MAGI2: variants seen among roughly 807,000 people sequenced by gnomAD.
MAGI2 encodes membrane associated guanylate kinase, WW and PDZ domain containing 2.
A neutral mutation model predicts 133.3 loss-of-function variants in MAGI2; 35 were observed. The ratio of observed to expected loss-of-function variants is 0.26; its 90% CI spans 0.20 to 0.35. MAGI2 has a LOEUF of 0.35. MAGI2 is among the 10% of genes least tolerant of loss of function. The pLI is 1.00. For missense variants in MAGI2, 1,636 were observed against 1,863.4 expected (o/e 0.88, Z 2.25); for synonymous variants, 729 against 710.6 (o/e 1.03, Z -0.41).
chr7:79,272,173 A>G (rs1373216271), intron 1 of MAGI2, among the ~76,000 whole-genome samples: 1 of 152,130 alleles, frequency 6.6e-6, no homozygotes, highest in Non-Finnish European at 1.5e-5. Flanking sequence ...AAGAAATAAC[A>G]CTGGTACATT....
At chr7:78,791,344 G>A (rs1276586808) in intron 2 of MAGI2, among the ~76,000 whole-genome samples, 5 of 152,018 alleles carry the variant, frequency 3.3e-5, no homozygotes, top group African/African-American at 4.8e-5. Flanking sequence ...CCCTTATATT[G>A]GAGAAATAGT....
chr7:78,385,491 T>G (rs527345275), intron 6 of MAGI2, among the ~76,000 whole-genome samples: 5 of 152,180 alleles, frequency 3.3e-5, no homozygotes, highest in African/African-American at 4.8e-5. Context: ...ACTGTAACAA[T>G]GAAATTTCTG....
At chr7:79,319,915 A>G (rs1839038914) in intron 1 of MAGI2, among the ~76,000 whole-genome samples, 1 of 152,254 alleles carries the variant, frequency 6.6e-6, no homozygotes, top group Middle Eastern at 3.4e-3. Flanking sequence ...TTTAGTCTCA[A>G]GTGTTATTTG....
chr7:78,360,268 C>G (rs1030502520), intron 7 of MAGI2, among the ~76,000 whole-genome samples: 50 of 152,198 alleles, frequency 3.3e-4, no homozygotes, highest in African/African-American at 1.2e-3. Context: ...GATGCAAATG[C>G]CAGCCAACTA....
At chr7:78,395,063 G>C (rs1269019053) in intron 6 of MAGI2, among the ~76,000 whole-genome samples, 1 of 152,178 alleles carries the variant, frequency 6.6e-6, no homozygotes, top group Non-Finnish European at 1.5e-5. Context: ...TTCTTATAAA[G>C]GAGAATAATT....
intron 2 of MAGI2, among the ~76,000 whole-genome samples, chr7:78,793,051 AT>A (rs1211375269): frequency 6.6e-6 from 1 of 152,244 alleles, no homozygotes; most frequent in Non-Finnish European, 1.5e-5. Flanking sequence ...GGCTAAATGT[AT>A]AAGCGTGGAA....
chr7:78,662,660 T>C lies in MAGI2; in HGVS notation c.419-35421A>G, dbSNP rs557377608. Among the ~76,000 whole-genome samples the C allele has an allele frequency of 5.3e-5, 8 of 152,294 alleles. No individual in the cohort carries two copies. In the East Asian group the frequency reaches 1.5e-3, roughly 29 times the overall value. On this transcript the variant is annotated intron_variant, in intron 2 of 21. Coordinates refer to ENST00000354212, the MANE Select transcript of MAGI2 (RefSeq NM_012301.4). ...CATCATTGCACTTCTGTAAAATATA[T>C]AGGCAAAGACAAAAAAGAAATGGGG...
intron 2 of MAGI2, among the ~76,000 whole-genome samples, chr7:78,906,415 G>A (rs139992437): frequency 6.3e-4 from 96 of 152,274 alleles, no homozygotes; most frequent in East Asian, 5.4e-3. Context: ...GAGGTCTCTC[G>A]TCTATCATCA....
chr7:78,429,200 T>C (rs1799557428), intron 6 of MAGI2, among the ~76,000 whole-genome samples: 1 of 152,138 alleles, frequency 6.6e-6, no homozygotes, highest in Non-Finnish European at 1.5e-5. Flanking sequence ...CTGTTTATAT[T>C]AATAAATCGC....
intron 1 of MAGI2, among the ~76,000 whole-genome samples, chr7:79,283,969 T>C (rs1007736208): frequency 6.6e-6 from 1 of 152,116 alleles, no homozygotes; most frequent in African/African-American, 2.4e-5. Flanking sequence ...TGTGTTATAA[T>C]GGCCCATTGT....
chr7:78,909,988 A>G (rs1328625465), intron 2 of MAGI2, among the ~76,000 whole-genome samples: 1 of 152,164 alleles, frequency 6.6e-6, no homozygotes, highest in Non-Finnish European at 1.5e-5. Context: ...CTTTGCAGGG[A>G]CATGGATGAA....
chr7:78,495,473 A>AT (rs1189520444), intron 5 of MAGI2, among the ~76,000 whole-genome samples: 9 of 152,306 alleles, frequency 5.9e-5, no homozygotes, highest in African/African-American at 2.2e-4. Flanking sequence ...TGATTGTAAC[A>AT]TTTTCCAAAA....
At chr7:78,686,742 T>C (rs1816359904) in intron 2 of MAGI2, among the ~76,000 whole-genome samples, 1 of 152,154 alleles carries the variant, frequency 6.6e-6, no homozygotes, top group African/African-American at 2.4e-5. Context: ...TATGACAGCC[T>C]ACGGGAGGAC....
chr7:79,171,675 A>C (rs1825560983), intron 1 of MAGI2, among the ~76,000 whole-genome samples: 1 of 146,146 alleles, frequency 6.8e-6, no homozygotes, highest in Non-Finnish European at 1.5e-5. Context: ...TTCAATAAAA[A>C]TAGATAGTAA....
intron 10 of MAGI2, among the ~76,000 whole-genome samples, chr7:78,243,026 T>G (rs2150912324): frequency 6.6e-6 from 1 of 152,194 alleles, no homozygotes; most frequent in Non-Finnish European, 1.5e-5. Context: ...GAACTGTGAT[T>G]GTGCCACTGC....
intron 9 of MAGI2, among the ~76,000 whole-genome samples, chr7:78,267,142 A>G (rs956162378): frequency 6.6e-6 from 1 of 152,164 alleles, no homozygotes; most frequent in Admixed American, 6.6e-5. Flanking sequence ...AACTGGTAGT[A>G]TAACATATTC....
chr7:78,655,679 G>A (rs1353205855), intron 2 of MAGI2, among the ~76,000 whole-genome samples: 3 of 152,016 alleles, frequency 2.0e-5, no homozygotes, highest in Admixed American at 2.0e-4. Context: ...GAAGATATGT[G>A]TTTAGAAAGA....
At chr7:79,046,382 C>A (rs1209779184) in intron 1 of MAGI2, among the ~76,000 whole-genome samples, 3 of 152,146 alleles carry the variant, frequency 2.0e-5, no homozygotes. Flanking sequence ...GGAAAGAGGA[C>A]TTAGAAGAAA....
At chr7:78,278,800 C>A in intron 9 of MAGI2, among the ~76,000 whole-genome samples, 1 of 152,104 alleles carries the variant, frequency 6.6e-6, no homozygotes, top group Non-Finnish European at 1.5e-5. Context: ...GTCTGCTTCC[C>A]TGCCCTTCAG....
Sources: allele counts gnomAD v4.1 joint callset (sites outside exome capture counted in the v4.1 genomes callset), GRCh38; gene constraint gnomAD v4.1.1; transcripts MANE v1.5; gene names NCBI Gene and HGNC (gene_info 2026-07-23, HGNC 2026-07-21).